The following GABRA2 variants were observed in gnomAD, a reference collection of about 807,000 sequenced individuals.
GABRA2 encodes gamma-aminobutyric acid receptor subunit alpha-2.
In GABRA2, 16 loss-of-function variants were observed where a neutral mutation model predicts 48.7. That is an observed-to-expected ratio of 0.33 (90% CI 0.22 to 0.50). The LOEUF (loss-of-function observed/expected upper bound fraction) is 0.50, where lower values mean the gene tolerates loss of function less well. Among genes scored for constraint, GABRA2 ranks in the 20% least tolerant of loss-of-function variants. The probability of loss-of-function intolerance (pLI) is 0.98; values close to 1 mark genes in which losing one functional copy is unlikely to be tolerated. For missense variants in GABRA2, 275 were observed against 535.6 expected (o/e 0.51, Z 4.80); for synonymous variants, 185 against 184.5 (o/e 1.00, Z -0.02).
chr4:46,250,588 GA>G lies in GABRA2; in HGVS notation c.1075del (p.Ser359ProfsTer3). Reference sequence around the variant, plus strand: ...ATAAGCGTTGTTCTGTATCATAACGGAAGCCTTTTCTTTTTTCTATTGAAAA... The same window carrying G: ...ATAAGCGTTGTTCTGTATCATAACGGAGCCTTTTCTTTTTTCTATTGAAAA... ...VVNDKKKEKA[S>X]VMIQNNAYAV... On this transcript the variant is annotated frameshift_variant, in exon 10 of 10. Transcript: ENST00000381620. LOFTEE classifies it high-confidence loss of function. 1 of 1,589,522 alleles carries G rather than the reference GA, an allele frequency of 6.3e-7. No homozygotes were observed. The highest frequency in any genetic ancestry group is 8.5e-7 in the Non-Finnish European group (1 of 1,170,176).
intron 2 of GABRA2, among the ~76,000 whole-genome samples, chr4:46,387,922 C>T (rs1403474063): frequency 2.0e-5 from 3 of 151,824 alleles, no homozygotes; most frequent in Non-Finnish European, 4.4e-5. Flanking sequence ...AAAAGATGTC[C>T]ACTGATGATG....
At chr4:46,277,690 T>A (rs1720761790) in intron 8 of GABRA2, among the ~76,000 whole-genome samples, 2 of 152,168 alleles carry the variant, frequency 1.3e-5, no homozygotes, top group South Asian at 4.1e-4. Context: ...TGCATGACCT[T>A]ATCCATGGGC....
chr4:46,373,737 A>G (rs1715280751), intron 3 of GABRA2, among the ~76,000 whole-genome samples: 1 of 152,146 alleles, frequency 6.6e-6, no homozygotes. Flanking sequence ...TATTTTTACA[A>G]TGTAAGCCTG....
At chr4:46,332,789 G>T (rs1731592366) in intron 3 of GABRA2, 107 bp from the exon 4 acceptor site, 1 of 644,198 alleles carries the variant, frequency 1.6e-6, no homozygotes, top group Non-Finnish European at 2.7e-6. Flanking sequence ...ACAAATTCGG[G>T]AGTACTGGGT....
chr4:46,323,189 G>T (rs1164317014), intron 4 of GABRA2, among the ~76,000 whole-genome samples: 1 of 151,850 alleles, frequency 6.6e-6, no homozygotes, highest in African/African-American at 2.4e-5. Context: ...ACTTTTTACG[G>T]GGTCACTATG....
chr4:46,362,965 C>T (rs1387347364), intron 3 of GABRA2, among the ~76,000 whole-genome samples: 3 of 152,098 alleles, frequency 2.0e-5, no homozygotes, highest in Non-Finnish European at 4.4e-5. Context: ...AGGGCATGTA[C>T]AATAGTAAAT....
intron 3 of GABRA2, among the ~76,000 whole-genome samples, chr4:46,378,245 A>G (rs1716235495): frequency 6.6e-6 from 1 of 152,192 alleles, no homozygotes; most frequent in Non-Finnish European, 1.5e-5. Flanking sequence ...AAGACTGAGA[A>G]ATCGGATGGT....
At chr4:46,359,181 T>C (rs569736759) in intron 3 of GABRA2, among the ~76,000 whole-genome samples, 4 of 152,174 alleles carry the variant, frequency 2.6e-5, no homozygotes, top group Non-Finnish European at 5.9e-5. Flanking sequence ...TGTTGTAATG[T>C]CTAATAAAAA....
rs1733364445 is a variant in GABRA2 at position 46,342,236 on chromosome 4, A to G, written c.188-9554T>C. ...TTGTAAATGCTCCTCAAATTGTTGC[A>G]TGGCTTTGGTTAATTTCAAGAGTAC... is the stretch of plus-strand genomic sequence containing the variant. On this transcript the variant is annotated intron_variant, in intron 3 of 9. Coordinates refer to ENST00000381620, the MANE Select transcript of GABRA2 (RefSeq NM_000807.4). Among the ~76,000 whole-genome samples the G allele has an allele frequency of 2.0e-5, 3 of 152,226 alleles. No homozygotes were observed. The South Asian group carries it at 6.2e-4, about 32-fold the overall frequency.
chr4:46,330,591 T>TATATAGAGAGAGAG lies in GABRA2; in HGVS notation c.255+2023_255+2024insCTCTCTCTCTATAT, dbSNP rs1411755120. ...ATATATATATATATATATATATATA[T>TATATAGAGAGAGAG]AGAGAGAGAGAGAGAGAGATGTTTT... On this transcript the variant is annotated intron_variant, in intron 4 of 9. Coordinates refer to ENST00000381620, the MANE Select transcript of GABRA2 (RefSeq NM_000807.4). Among the ~76,000 whole-genome samples the TATATAGAGAGAGAG allele has an allele frequency of 3.2e-3, 394 of 122,564 alleles. 2 individuals are homozygous for TATATAGAGAGAGAG. Among genetic ancestry groups the TATATAGAGAGAGAG allele is most frequent in the East Asian group, 0.011 (37 of 3,232 alleles). 80.4% of individuals were successfully genotyped at this position (122,564 alleles called of 152,430 possible). A position where few individuals can be genotyped will look rare whatever the true frequency, so the allele number is the denominator to read the frequency against.
At chr4:46,381,146 G>A (rs1716702589) in intron 3 of GABRA2, among the ~76,000 whole-genome samples, 1 of 152,140 alleles carries the variant, frequency 6.6e-6, no homozygotes. Flanking sequence ...GCTTGTCATA[G>A]CTAATAGTTG....
intron 8 of GABRA2, among the ~76,000 whole-genome samples, chr4:46,300,999 T>G (rs1409320952): frequency 1.3e-5 from 2 of 152,160 alleles, no homozygotes; most frequent in South Asian, 2.1e-4. Flanking sequence ...AGATTAATAA[T>G]AAGAATAATA....
chr4:46,357,853 G>T (rs909500317), intron 3 of GABRA2, among the ~76,000 whole-genome samples: 3 of 151,818 alleles, frequency 2.0e-5, no homozygotes, highest in Non-Finnish European at 4.4e-5. Context: ...TAGAGACAGA[G>T]TTTCACCATG....
At chr4:46,285,570 T>C (rs990405503) in intron 8 of GABRA2, among the ~76,000 whole-genome samples, 3 of 152,098 alleles carry the variant, frequency 2.0e-5, no homozygotes, top group Non-Finnish European at 4.4e-5. Flanking sequence ...ATGCAGTATT[T>C]AATTTTCCTT....
At position 46,247,133 on chromosome 4, in the gene GABRA2, T is replaced by C. The variant is rs1355995110; in HGVS notation, c.*3175A>G. On this transcript the variant is annotated 3_prime_UTR_variant, in exon 10 of 10. Transcript: ENST00000381620. ...GGGGATCACTTATCCAAACCTGAGATAAATTCAAAATAGAGAGATACCTGA... is the reference window on the plus strand; with the variant it reads ...GGGGATCACTTATCCAAACCTGAGACAAATTCAAAATAGAGAGATACCTGA... Among the ~76,000 whole-genome samples the C allele has an allele frequency of 6.6e-6, 1 of 151,282 alleles. No individual in the cohort carries two copies. The highest frequency in any genetic ancestry group is 1.5e-5 in the Non-Finnish European group (1 of 67,512).
chr4:46,361,924 A>T (rs1276785323), intron 3 of GABRA2, among the ~76,000 whole-genome samples: 3 of 152,112 alleles, frequency 2.0e-5, no homozygotes, highest in Non-Finnish European at 2.9e-5. Context: ...GTTTTGGCCA[A>T]TTTCTCCCAT....
chr4:46,294,699 C>G (rs1203768327), intron 8 of GABRA2, among the ~76,000 whole-genome samples: 2 of 152,156 alleles, frequency 1.3e-5, no homozygotes, highest in Non-Finnish European at 2.9e-5. Context: ...ATGGACATCT[C>G]TAAGATTTTG....
At chr4:46,259,496 A>C (rs1430257922) in intron 9 of GABRA2, among the ~76,000 whole-genome samples, 1 of 151,900 alleles carries the variant, frequency 6.6e-6, no homozygotes, top group Admixed American at 6.6e-5. Flanking sequence ...TGCAAAAACT[A>C]AATTTAAGTA....
intron 5 of GABRA2, 48 bp downstream of exon 5, chr4:46,312,441 AATACATG>A: frequency 8.3e-7 from 1 of 1,202,200 alleles, no homozygotes; most frequent in African/African-American, 1.5e-5. Flanking sequence ...CTGGTTGTTT[AATACATG>A]AAAATTTCTC....
Sources: gnomAD v4.1 joint callset for allele counts (sites outside exome capture counted in the v4.1 genomes callset) on GRCh38, gnomAD v4.1.1 for gene constraint, MANE v1.5 for transcripts, NCBI Gene and HGNC (gene_info 2026-07-23, HGNC 2026-07-21) for gene names.